The following KLF9 variants were observed in gnomAD, a reference collection of about 807,000 sequenced individuals.
KLF9 encodes KLF transcription factor 9, also known as Krueppel-like factor 9.
Under a neutral mutation model 17.3 loss-of-function variants are expected in KLF9, and 2 were observed. That is an observed-to-expected ratio of 0.12 (90% CI 0.05 to 0.36). The LOEUF (loss-of-function observed/expected upper bound fraction) is 0.36, where lower values mean the gene tolerates loss of function less well. Ranked by LOEUF, KLF9 falls within the 10% of genes least tolerant of loss-of-function variation. The pLI is 1.00. For synonymous variants in KLF9, 138 were observed against 139.2 expected, an observed-to-expected ratio of 0.99 and a Z score of 0.06; for missense variants, 226 against 333.2, an observed-to-expected ratio of 0.68 and a Z score of 2.51.
intron 1 of KLF9, among the ~76,000 whole-genome samples, chr9:70,409,060 GTATA>G (rs1167458714): frequency 3.8e-5 from 3 of 78,006 alleles, no homozygotes; most frequent in African/African-American, 1.2e-4. Flanking sequence ...ACATATATGT[GTATA>G]TATATGTGTA....
intron 1 of KLF9, among the ~76,000 whole-genome samples, chr9:70,409,761 A>G (rs185215602): frequency 7.2e-5 from 11 of 152,372 alleles, no homozygotes; most frequent in Non-Finnish European, 1.6e-4. Flanking sequence ...TCTTTAGATT[A>G]ACAATGGATC....
chr9:70,403,474 G>T (rs2037238085), intron 1 of KLF9, among the ~76,000 whole-genome samples: 1 of 152,120 alleles, frequency 6.6e-6, no homozygotes, highest in Admixed American at 6.5e-5. Flanking sequence ...CTTTCCTTGG[G>T]GTTTGCTTAA....
At chr9:70,407,851 C>G (rs1478585384) in intron 1 of KLF9, among the ~76,000 whole-genome samples, 1 of 152,186 alleles carries the variant, frequency 6.6e-6, no homozygotes, top group African/African-American at 2.4e-5. Context: ...AACCCATCCT[C>G]TATAGCTAGA....
chr9:70,407,571 C>T (rs932546345), intron 1 of KLF9, among the ~76,000 whole-genome samples: 14 of 152,184 alleles, frequency 9.2e-5, no homozygotes, highest in Non-Finnish European at 1.3e-4. Flanking sequence ...AGAGGCCCCC[C>T]GACTGTCTTT....
At chr9:70,406,799 C>T (rs2037258466) in intron 1 of KLF9, among the ~76,000 whole-genome samples, 1 of 149,904 alleles carries the variant, frequency 6.7e-6, no homozygotes, top group Non-Finnish European at 1.5e-5. Context: ...GTGGGAGGGT[C>T]GGATGTGGGG....
chr9:70,408,231 C>T (rs892081061), intron 1 of KLF9, among the ~76,000 whole-genome samples: 2 of 152,048 alleles, frequency 1.3e-5, no homozygotes, highest in African/African-American at 2.4e-5. Flanking sequence ...AAAAATTAGC[C>T]GAGTGTGGTG....
At chr9:70,404,417 T>C (rs961495580) in intron 1 of KLF9, among the ~76,000 whole-genome samples, 1 of 151,790 alleles carries the variant, frequency 6.6e-6, no homozygotes, top group Non-Finnish European at 1.5e-5. Context: ...CTGGGCAACA[T>C]AGTGAAACCC....
At chr9:70,401,480 G>A (rs538725126) in intron 1 of KLF9, among the ~76,000 whole-genome samples, 3 of 151,966 alleles carry the variant, frequency 2.0e-5, no homozygotes, top group Admixed American at 6.6e-5. Flanking sequence ...CAGGTCAGAA[G>A]TTCGAGACCA....
intron 1 of KLF9, among the ~76,000 whole-genome samples, chr9:70,402,150 G>C (rs2037226745): frequency 6.6e-6 from 1 of 152,222 alleles, no homozygotes; most frequent in South Asian, 2.1e-4. Context: ...AATGCTCACT[G>C]AACAAGCATT....
chr9:70,402,359 T>C (rs2037227837), intron 1 of KLF9, among the ~76,000 whole-genome samples: 1 of 152,214 alleles, frequency 6.6e-6, no homozygotes, highest in Non-Finnish European at 1.5e-5. Flanking sequence ...TATTACAGTG[T>C]TTTTCTTGGG....
intron 1 of KLF9, among the ~76,000 whole-genome samples, chr9:70,390,054 C>T (rs922794797): frequency 5.3e-5 from 8 of 152,222 alleles, no homozygotes; most frequent in Middle Eastern, 3.2e-3. Context: ...GTCTCTTAAC[C>T]TGTGCTGATG....
chr9:70,405,370 G>A (rs555512142), intron 1 of KLF9, among the ~76,000 whole-genome samples: 1 of 152,128 alleles, frequency 6.6e-6, no homozygotes, highest in Non-Finnish European at 1.5e-5. Flanking sequence ...TTAAGCTCCC[G>A]TCTCTTACTT....
rs549407590 is a variant in KLF9 at position 70,386,651 on chromosome 9, C to T, written c.*1125G>A. 1.3e-5 allele frequency: 2 copies of T among 152,604 alleles called. No homozygotes were observed. Among genetic ancestry groups the T allele is most frequent in the Non-Finnish European group, 2.9e-5 (2 of 68,040 alleles). The allele number at this position is 152,604 out of a possible 1,614,324, so 9.5% of individuals were successfully genotyped here. A position where few individuals can be genotyped will look rare whatever the true frequency, so the allele number is the denominator to read the frequency against. On this transcript the variant is annotated 3_prime_UTR_variant, in exon 2 of 2. Transcript: ENST00000377126. The stretch of plus-strand genomic sequence containing the variant: ...TTCCAGATCTCATTACTGTTATGCA[C>T]ACATTCAAATAAAACCCAACAGAGT...
intron 1 of KLF9, among the ~76,000 whole-genome samples, chr9:70,390,396 G>GA (rs1233606250): frequency 1.5e-4 from 22 of 145,860 alleles, no homozygotes; most frequent in African/African-American, 2.5e-4. Flanking sequence ...CTGCAAAGAG[G>GA]AAAAAAAAAA....
At chr9:70,398,211 G>A (rs1044032544) in intron 1 of KLF9, among the ~76,000 whole-genome samples, 1 of 152,100 alleles carries the variant, frequency 6.6e-6, no homozygotes, top group African/African-American at 2.4e-5. Context: ...TATTGTATTT[G>A]TTGATACAAC....
At chr9:70,389,122 C>G (rs531090779) in intron 1 of KLF9, among the ~76,000 whole-genome samples, 1 of 151,388 alleles carries the variant, frequency 6.6e-6, no homozygotes, top group African/African-American at 2.4e-5. Flanking sequence ...GCCTAGGCGA[C>G]AGAGTGAGAC....
At chr9:70,391,835 T>A (rs1197769719) in intron 1 of KLF9, among the ~76,000 whole-genome samples, 2 of 152,262 alleles carry the variant, frequency 1.3e-5, no homozygotes, top group African/African-American at 4.8e-5. Flanking sequence ...GAAAGTTATA[T>A]GAAATTAAAA....
intron 1 of KLF9, among the ~76,000 whole-genome samples, chr9:70,396,632 T>G (rs1006455693): frequency 2.6e-5 from 4 of 151,686 alleles, no homozygotes; most frequent in Non-Finnish European, 5.9e-5. Context: ...CTACTACAAT[T>G]TAAAATTAAA....
At chr9:70,401,244 A>T (rs547213320) in intron 1 of KLF9, among the ~76,000 whole-genome samples, 1 of 151,522 alleles carries the variant, frequency 6.6e-6, no homozygotes, top group South Asian at 2.1e-4. Flanking sequence ...GCTATTCAGG[A>T]GACCTAGGTG....
Sources: allele counts gnomAD v4.1 joint callset (sites outside exome capture counted in the v4.1 genomes callset), GRCh38; gene constraint gnomAD v4.1.1; transcripts MANE v1.5; gene names NCBI Gene and HGNC (gene_info 2026-07-23, HGNC 2026-07-21).